The following RIMKLB variants were observed in gnomAD, a reference collection of about 807,000 sequenced individuals.
RIMKLB encodes the protein beta-citrylglutamate synthase B.
A neutral mutation model predicts 32.0 loss-of-function variants in RIMKLB; 7 were observed. The ratio of observed to expected loss-of-function variants is 0.22; its 90% CI spans 0.12 to 0.41. RIMKLB has a LOEUF of 0.41. RIMKLB is among the 10% of genes least tolerant of loss of function. The pLI is 1.00. For missense variants in RIMKLB, 289 were observed against 498.7 expected (o/e 0.58, Z 4.00); for synonymous variants, 172 against 185.1 (o/e 0.93, Z 0.57).
chr12:8,722,128 A>T (rs1485204607), intron 2 of RIMKLB, among the ~76,000 whole-genome samples: 2 of 152,038 alleles, frequency 1.3e-5, no homozygotes, highest in African/African-American at 4.8e-5. Context: ...TAGAGGAATC[A>T]CTGTGGCAGC....
At chr12:8,760,266 C>T (rs769893494) in intron 5 of RIMKLB, among the ~76,000 whole-genome samples, 1 of 152,348 alleles carries the variant, frequency 6.6e-6, no homozygotes, top group Non-Finnish European at 1.5e-5. Flanking sequence ...CTACAAAGGA[C>T]ATGAACTCAT....
intron 2 of RIMKLB, among the ~76,000 whole-genome samples, chr12:8,732,555 GA>G (rs1235963508): frequency 6.6e-6 from 1 of 152,090 alleles, no homozygotes; most frequent in Non-Finnish European, 1.5e-5. Flanking sequence ...AAGGAAGAAG[GA>G]AAAATGGTTC....
intron 5 of RIMKLB, among the ~76,000 whole-genome samples, chr12:8,765,941 A>G (rs933458710): frequency 1.3e-5 from 2 of 152,084 alleles, no homozygotes; most frequent in Admixed American, 6.5e-5. Flanking sequence ...GTTATAATTT[A>G]TACTTCCGTC....
chr12:8,743,791 C>T (rs1006053304), intron 2 of RIMKLB, among the ~76,000 whole-genome samples: 8 of 151,896 alleles, frequency 5.3e-5, no homozygotes, highest in Non-Finnish European at 1.2e-4. Flanking sequence ...CGAGGGTTAA[C>T]TTATTAACCT....
At chr12:8,694,290 C>T (rs1942819325), upstream of RIMKLB, among the ~76,000 whole-genome samples, 1 of 151,808 alleles carries the variant, frequency 6.6e-6, no homozygotes, top group South Asian at 2.1e-4. Flanking sequence ...GTTGCCCAGG[C>T]TGGTCTTGGA....
chr12:8,706,719 G>A (rs1943915586), intron 1 of RIMKLB, among the ~76,000 whole-genome samples: 1 of 152,092 alleles, frequency 6.6e-6, no homozygotes, highest in East Asian at 1.9e-4. Context: ...CCTCCAAAGT[G>A]CTGGGATTAC....
intron 2 of RIMKLB, among the ~76,000 whole-genome samples, chr12:8,742,110 G>C (rs1374431319): frequency 6.6e-6 from 1 of 151,666 alleles, no homozygotes; most frequent in Non-Finnish European, 1.5e-5. Flanking sequence ...ATGTTGGCCA[G>C]GCTAGTCTCA....
Position 8,776,103 on chromosome 12 carries a change from A to T in RIMKLB, c.*2319A>T. 4 of 984,674 alleles carry T rather than the reference A, an allele frequency of 4.1e-6. No individual in the cohort carries two copies. Among genetic ancestry groups the T allele is most frequent in the South Asian group, 4.7e-5 (1 of 21,274 alleles). The allele number at this position is 984,674 out of a possible 1,614,324, so 61.0% of individuals were successfully genotyped here. A position where few individuals can be genotyped will look rare whatever the true frequency, so the allele number is the denominator to read the frequency against. ...CATACACTTTGAATAGTTACATATC[A>T]CAAGTATGTAGTTCATGTTTGTGTT... is the stretch of plus-strand genomic sequence containing the variant. On this transcript the variant is annotated 3_prime_UTR_variant, in exon 6 of 6. Transcript: ENST00000535829.
chr12:8,714,139 G>A (rs1171193701), intron 2 of RIMKLB, 98 bp downstream of exon 2: 2 of 920,430 alleles, frequency 2.2e-6, no homozygotes, highest in Non-Finnish European at 3.4e-6. Context: ...TCTTAGCCTT[G>A]TCATTACTAA....
At chr12:8,707,065 A>G (rs945914824) in intron 1 of RIMKLB, among the ~76,000 whole-genome samples, 3 of 152,060 alleles carry the variant, frequency 2.0e-5, no homozygotes, top group Non-Finnish European at 1.5e-5. Context: ...ACAACATTCA[A>G]TGTGCTTTTT....
chr12:8,675,549 A>C, the RIMKLB span, among the ~76,000 whole-genome samples: 227 of 152,312 alleles, frequency 1.5e-3, 1 homozygote, highest in East Asian at 0.021. Flanking sequence ...CACCTAAAAT[A>C]ATCAAAAGGG....
At chr12:8,669,894 G>T in the RIMKLB span, among the ~76,000 whole-genome samples, 3 of 151,932 alleles carry the variant, frequency 2.0e-5, no homozygotes, top group East Asian at 5.8e-4. Flanking sequence ...GGGCGTGGTG[G>T]CGGGTGCCTG....
upstream of RIMKLB, among the ~76,000 whole-genome samples, chr12:8,695,672 G>A (rs1284475914): frequency 6.6e-6 from 1 of 150,514 alleles, no homozygotes; most frequent in African/African-American, 2.4e-5. Context: ...ATGGCACATA[G>A]AAGCAATAAA....
chr12:8,697,662 CG>C, upstream of RIMKLB: 1 of 276,550 alleles, frequency 3.6e-6, no homozygotes, highest in South Asian at 2.6e-5. Context: ...GGCGCGTCCT[CG>C]GAGCGCCCTC....
chr12:8,731,135 C>T (rs1946501012), intron 2 of RIMKLB, among the ~76,000 whole-genome samples: 1 of 150,962 alleles, frequency 6.6e-6, no homozygotes. Context: ...TCGCTCTTGT[C>T]GCCCAGGCTG....
chr12:8,774,195 G>C lies in RIMKLB; in HGVS notation c.*411G>C, dbSNP rs1950598414. On this transcript the variant is annotated 3_prime_UTR_variant, in exon 6 of 6. Coordinates refer to ENST00000535829, the MANE Select transcript of RIMKLB (RefSeq NM_001297776.2). ...TTGTGTTGGAAGATTTGTCATCAGTGAGGAAAACATCTGCATAAATTACAG... is the reference window on the plus strand; with the variant it reads ...TTGTGTTGGAAGATTTGTCATCAGTCAGGAAAACATCTGCATAAATTACAG... 1.0e-6 allele frequency: 1 copy of C among 986,590 alleles called. No individual in the cohort carries two copies. Among genetic ancestry groups the C allele is most frequent in the Admixed American group, 5.6e-5 (1 of 17,846 alleles). The allele number at this position is 986,590 out of a possible 1,614,324, so 61.1% of individuals were successfully genotyped here.
At chr12:8,739,502 G>T (rs763626157) in intron 2 of RIMKLB, among the ~76,000 whole-genome samples, 14 of 151,926 alleles carry the variant, frequency 9.2e-5, no homozygotes, top group Non-Finnish European at 1.3e-4. Flanking sequence ...CTTTTTTTGA[G>T]ACAGGGCCTG....
chr12:8,777,514 C>G, downstream of RIMKLB: 1 of 1,189,282 alleles, frequency 8.4e-7, no homozygotes, highest in South Asian at 1.6e-5. Context: ...CTTTGAAGAT[C>G]CTTAATGTTT....
intron 2 of RIMKLB, among the ~76,000 whole-genome samples, chr12:8,748,555 T>TGTGC (rs1555168472): frequency 3.9e-5 from 4 of 101,454 alleles, no homozygotes; most frequent in African/African-American, 1.1e-4. Context: ...TGTGTGTGTG[T>TGTGC]GTGCATATAT....
Sources: gnomAD v4.1 joint callset for allele counts (sites outside exome capture counted in the v4.1 genomes callset) on GRCh38, gnomAD v4.1.1 for gene constraint, MANE v1.5 for transcripts, NCBI Gene and HGNC (gene_info 2026-07-23, HGNC 2026-07-21) for gene names.